MEI1: variants seen among roughly 807,000 people sequenced by gnomAD.
The protein encoded by MEI1 is meiosis inhibitor protein 1.
Under a neutral mutation model 146.2 loss-of-function variants are expected in MEI1, and 103 were observed. That is an observed-to-expected ratio of 0.70 (90% CI 0.60 to 0.83). MEI1 has a LOEUF of 0.83. MEI1 is among the 40% of genes least tolerant of loss of function. MEI1 has a pLI of 0.00. For missense variants in MEI1, 1,529 were observed against 1,533.0 expected, an observed-to-expected ratio of 1.00 and a Z score of 0.04; for synonymous variants, 652 against 628.2, an observed-to-expected ratio of 1.04 and a Z score of -0.57.
intron 17 of MEI1, among the ~76,000 whole-genome samples, chr22:41,755,395 T>C (rs916457147): frequency 6.6e-6 from 1 of 152,156 alleles, no homozygotes; most frequent in Non-Finnish European, 1.5e-5. Flanking sequence ...AGGTGAGCAT[T>C]TTTATTGCTT....
At chr22:41,716,627 C>T (rs1231490998) in intron 5 of MEI1, among the ~76,000 whole-genome samples, 5 of 151,038 alleles carry the variant, frequency 3.3e-5, no homozygotes, top group Non-Finnish European at 7.4e-5. Context: ...CCGCCTGCCT[C>T]AGCCTCCCAA....
chr22:41,714,102 GT>G (rs1569158609), intron 4 of MEI1, 27 bp downstream of exon 4: 1 of 1,567,684 alleles, frequency 6.4e-7, no homozygotes, highest in South Asian at 1.2e-5. Context: ...GGGTTCTTGA[GT>G]CTCTCAGAAT....
intron 16 of MEI1, 195 bp from the exon 17 acceptor site, chr22:41,753,754 C>T (rs1346775449): frequency 1.0e-5 from 5 of 498,802 alleles, no homozygotes; most frequent in Middle Eastern, 5.6e-4. Context: ...GCTAGAATTA[C>T]AGGCATAAGC....
intron 21 of MEI1, among the ~76,000 whole-genome samples, chr22:41,777,495 G>A (rs1032808150): frequency 6.6e-6 from 1 of 152,184 alleles, no homozygotes; most frequent in Non-Finnish European, 1.5e-5. Context: ...GCAATCTGTG[G>A]CTACCTGACA....
Position 41,795,899 on chromosome 22 carries a change from G to A in MEI1, c.3779+52G>A. ...GGAGATGCCAAATCACTGGGTGTTTGGGGCTTCTCTTCCTGGGCCAGTTTA... is the reference window on the plus strand; with the variant it reads ...GGAGATGCCAAATCACTGGGTGTTTAGGGCTTCTCTTCCTGGGCCAGTTTA... On this transcript the variant is annotated intron_variant, in intron 30 of 30. Transcript: ENST00000401548. This position sits in a 1 kb window ranked among gnomAD's most constrained non-coding sequence, Gnocchi z 4.2. 6.2e-7 allele frequency: 1 copy of A among 1,611,468 alleles called. No homozygotes were observed. The highest frequency in any genetic ancestry group is 1.3e-5 in the African/African-American group (1 of 74,534).
chr22:41,730,126 A>G (rs1188339926), intron 8 of MEI1, among the ~76,000 whole-genome samples: 1 of 152,192 alleles, frequency 6.6e-6, no homozygotes, highest in Non-Finnish European at 1.5e-5. Flanking sequence ...AAGGAAATTG[A>G]GGCTCAGAGA....
chr22:41,739,189 C>T (rs1203256734), intron 11 of MEI1, among the ~76,000 whole-genome samples: 5 of 152,008 alleles, frequency 3.3e-5, no homozygotes, highest in African/African-American at 7.2e-5. Flanking sequence ...CTGTAATTCC[C>T]GTCTTAAATT....
chr22:41,740,194 A>G (rs1433315104), intron 11 of MEI1, among the ~76,000 whole-genome samples: 1 of 151,816 alleles, frequency 6.6e-6, no homozygotes, highest in Admixed American at 6.6e-5. Flanking sequence ...TACTTCTTGT[A>G]TTTTTAGTAG....
At chr22:41,736,640 C>A (rs904082896) in intron 11 of MEI1, among the ~76,000 whole-genome samples, 1 of 151,996 alleles carries the variant, frequency 6.6e-6, no homozygotes, top group African/African-American at 2.4e-5. Context: ...AGTGATCCTC[C>A]CACTTTGACC....
At chr22:41,764,713 G>A (rs1356088955) in intron 19 of MEI1, among the ~76,000 whole-genome samples, 2 of 152,126 alleles carry the variant, frequency 1.3e-5, no homozygotes, top group African/African-American at 2.4e-5. Flanking sequence ...CAACCACCAC[G>A]AAAGTGATCC....
intron 6 of MEI1, among the ~76,000 whole-genome samples, chr22:41,718,585 C>G (rs1471491565): frequency 6.6e-6 from 1 of 152,228 alleles, no homozygotes; most frequent in Non-Finnish European, 1.5e-5. Flanking sequence ...CACGTCCTGT[C>G]ACTTTCTTAA....
intron 1 of MEI1, among the ~76,000 whole-genome samples, chr22:41,700,136 C>T (rs547136030): frequency 6.6e-6 from 1 of 152,280 alleles, no homozygotes; most frequent in Non-Finnish European, 1.5e-5. Flanking sequence ...GGGCCAGGGG[C>T]GCATGCGGCG....
chr22:41,729,571 A>G (rs1293778117), intron 7 of MEI1, 94 bp from the exon 8 acceptor site: 1 of 751,318 alleles, frequency 1.3e-6, no homozygotes, highest in Non-Finnish European at 2.3e-6. Flanking sequence ...AAGGATCGAA[A>G]ATGAATTAGG....
intron 12 of MEI1, 91 bp downstream of exon 12, chr22:41,743,285 A>G (rs994151211): frequency 8.1e-6 from 7 of 869,242 alleles, no homozygotes; most frequent in African/African-American, 5.0e-5. Context: ...TTTGTATGCT[A>G]TTTCATGACT....
chr22:41,714,088 CTA>C lies in MEI1; in HGVS notation c.423+15_423+16del, dbSNP rs768139315. The C allele has an allele frequency of 1.3e-6, 2 of 1,586,512 alleles. No individual in the cohort carries two copies. Among genetic ancestry groups the C allele is most frequent in the South Asian group, 2.3e-5 (2 of 86,862 alleles). ...GTGCCACAAAGAGGTCAGAAAATAG[CTA>C]TGGGTTCTTGAGTCTCTCAGAATCC... On this transcript the variant is annotated intron_variant, in intron 4 of 30. Transcript: ENST00000401548.
At chr22:41,789,636 C>G (rs2076105614) in intron 26 of MEI1, among the ~76,000 whole-genome samples, 1 of 152,136 alleles carries the variant, frequency 6.6e-6, no homozygotes, top group South Asian at 2.1e-4. Context: ...TAAACAATTC[C>G]CCAGTCCCCT....
chr22:41,734,494 G>A (rs2072153465), intron 11 of MEI1, among the ~76,000 whole-genome samples: 1 of 152,146 alleles, frequency 6.6e-6, no homozygotes, highest in African/African-American at 2.4e-5. Flanking sequence ...TCAGGAGGCT[G>A]AGGAAGGAGA....
At chr22:41,721,318 C>G (rs13056216) in intron 6 of MEI1, among the ~76,000 whole-genome samples, 3 of 147,224 alleles carry the variant, frequency 2.0e-5, no homozygotes, top group African/African-American at 5.1e-5. Context: ...AATCTCGGCT[C>G]GCTGCAACCT....
intron 19 of MEI1, among the ~76,000 whole-genome samples, chr22:41,765,462 C>T (rs2074786344): frequency 6.6e-6 from 1 of 152,130 alleles, no homozygotes; most frequent in Admixed American, 6.6e-5. Flanking sequence ...GCCTGGGTGA[C>T]AGAGTAAGAC....
Sources: allele counts gnomAD v4.1 joint callset (sites outside exome capture counted in the v4.1 genomes callset), GRCh38; gene constraint gnomAD v4.1.1; non-coding constraint Gnocchi (gnomAD v3.1); transcripts MANE v1.5; gene names NCBI Gene and HGNC (gene_info 2026-07-23, HGNC 2026-07-21).